ZDHHC14: variants seen among roughly 807,000 people sequenced by gnomAD.
ZDHHC14 encodes the protein palmitoyltransferase ZDHHC14.
In ZDHHC14, 16 loss-of-function variants were observed where a neutral mutation model predicts 47.7. That is an observed-to-expected ratio of 0.34 (90% CI 0.23 to 0.51). The LOEUF (loss-of-function observed/expected upper bound fraction) is 0.51. Among genes scored for constraint, ZDHHC14 ranks in the 20% least tolerant of loss-of-function variants. The pLI, the probability that ZDHHC14 is intolerant of heterozygous loss-of-function variation, is 0.97. For missense variants in ZDHHC14, 515 were observed against 662.5 expected, an observed-to-expected ratio of 0.78 and a Z score of 2.44; for synonymous variants, 293 against 278.9, an observed-to-expected ratio of 1.05 and a Z score of -0.50.
At chr6:157,548,966 C>T (rs775937771) in intron 2 of ZDHHC14, among the ~76,000 whole-genome samples, 42 of 152,196 alleles carry the variant, frequency 2.8e-4, no homozygotes, top group African/African-American at 7.5e-4. Context: ...GATGTGGCCG[C>T]GGCATTTGCC....
chr6:157,414,967 G>T (rs1389493347), intron 1 of ZDHHC14, among the ~76,000 whole-genome samples: 1 of 151,016 alleles, frequency 6.6e-6, no homozygotes, highest in Admixed American at 6.6e-5. Context: ...TCATACCTTT[G>T]TTTGTCTCTA....
intron 3 of ZDHHC14, among the ~76,000 whole-genome samples, chr6:157,613,746 GTCA>G: frequency 6.6e-6 from 1 of 152,154 alleles, no homozygotes; most frequent in Non-Finnish European, 1.5e-5. Context: ...AACCTGATAG[GTCA>G]TCCATTCTTA....
intron 8 of ZDHHC14, among the ~76,000 whole-genome samples, chr6:157,670,123 C>T (rs192008507): frequency 7.9e-5 from 12 of 152,282 alleles, no homozygotes; most frequent in African/African-American, 2.9e-4. Context: ...TGCTCAGTAG[C>T]CCCCACCGGA....
At chr6:157,649,604 C>G (rs1450115482) in intron 7 of ZDHHC14, among the ~76,000 whole-genome samples, 2 of 152,228 alleles carry the variant, frequency 1.3e-5, no homozygotes, top group African/African-American at 4.8e-5. Context: ...GGCCCAGACC[C>G]CTGTGCTTGA....
intron 3 of ZDHHC14, among the ~76,000 whole-genome samples, chr6:157,618,568 C>A (rs577054821): frequency 6.6e-6 from 1 of 152,228 alleles, no homozygotes; most frequent in East Asian, 1.9e-4. Flanking sequence ...ATGATCCACC[C>A]ACCTCGGCCT....
At chr6:157,661,375 A>G (rs1667286072) in intron 8 of ZDHHC14, among the ~76,000 whole-genome samples, 1 of 152,206 alleles carries the variant, frequency 6.6e-6, no homozygotes, top group Admixed American at 6.5e-5. Context: ...ATACTAATCC[A>G]ATTTCATCTT....
chr6:157,450,759 C>T (rs1778784891), intron 1 of ZDHHC14, among the ~76,000 whole-genome samples: 1 of 152,150 alleles, frequency 6.6e-6, no homozygotes, highest in Admixed American at 6.6e-5. Flanking sequence ...TAGTCACTGG[C>T]TAAGGCAAGT....
chr6:157,487,384 G>A (rs1174907934), intron 1 of ZDHHC14, among the ~76,000 whole-genome samples: 1 of 152,178 alleles, frequency 6.6e-6, no homozygotes. Flanking sequence ...CACTGACCTG[G>A]TCTTCTGTCT....
chr6:157,491,465 G>A (rs970624520), intron 1 of ZDHHC14, among the ~76,000 whole-genome samples: 3 of 152,230 alleles, frequency 2.0e-5, no homozygotes, highest in East Asian at 1.9e-4. Flanking sequence ...GGCTAGGTTA[G>A]TGTTGCTGGA....
In ZDHHC14 at chr6:157,546,604, A is replaced by C. The variant is rs147648897; in HGVS notation, c.406+3859A>C. Among the ~76,000 whole-genome samples the C allele has an allele frequency of 2.3e-3, 351 of 152,248 alleles. 1 individual carries two copies. The highest frequency in any genetic ancestry group is 3.6e-3 in the Non-Finnish European group (242 of 68,008). On this transcript the variant is annotated intron_variant, in intron 2 of 8. Coordinates refer to ENST00000359775, the MANE Select transcript of ZDHHC14 (RefSeq NM_024630.3). ...GGGTGCAGCTAAAAAGACATCAAAG[A>C]ATAGCAGCAGGGGGCCAGGGAAGCT...
At chr6:157,661,377 T>C (rs547403782) in intron 8 of ZDHHC14, among the ~76,000 whole-genome samples, 12 of 152,344 alleles carry the variant, frequency 7.9e-5, no homozygotes, top group Admixed American at 3.9e-4. Context: ...ACTAATCCAA[T>C]TTCATCTTAC....
At chr6:157,522,163 C>G (rs773650706) in intron 1 of ZDHHC14, among the ~76,000 whole-genome samples, 1 of 152,098 alleles carries the variant, frequency 6.6e-6, no homozygotes, top group East Asian at 1.9e-4. Flanking sequence ...AATACCTACC[C>G]GTACAGTTGC....
chr6:157,386,408 C>T (rs553822001), intron 1 of ZDHHC14, among the ~76,000 whole-genome samples: 1 of 152,256 alleles, frequency 6.6e-6, no homozygotes, highest in African/African-American at 2.4e-5. Flanking sequence ...TCCAGGGAAC[C>T]TCTGTGAAGC....
chr6:157,665,593 AATACTTT>A (rs1778519050), intron 8 of ZDHHC14, among the ~76,000 whole-genome samples: 2 of 152,228 alleles, frequency 1.3e-5, no homozygotes, highest in African/African-American at 4.8e-5. Flanking sequence ...GGAAATATGC[AATACTTT>A]AGAAATTAGA....
chr6:157,447,702 G>A (rs753640196), intron 1 of ZDHHC14, among the ~76,000 whole-genome samples: 6 of 152,188 alleles, frequency 3.9e-5, no homozygotes, highest in African/African-American at 9.7e-5. Flanking sequence ...TGTTTGTGAA[G>A]GAAGGAGGAT....
chr6:157,629,085 A>G (rs564538410), intron 4 of ZDHHC14, among the ~76,000 whole-genome samples: 2 of 152,370 alleles, frequency 1.3e-5, no homozygotes, highest in African/African-American at 4.8e-5. Flanking sequence ...ATATATATAA[A>G]GGAAGCAACT....
chr6:157,643,195 G>A (rs1417150939), intron 5 of ZDHHC14, among the ~76,000 whole-genome samples: 1 of 152,200 alleles, frequency 6.6e-6, no homozygotes, highest in African/African-American at 2.4e-5. Context: ...GATGCTGACG[G>A]TTCCTTGAGA....
chr6:157,557,934 G>A (rs959729751), intron 2 of ZDHHC14, among the ~76,000 whole-genome samples: 5 of 152,294 alleles, frequency 3.3e-5, no homozygotes, highest in Non-Finnish European at 7.3e-5. Flanking sequence ...CCAAGCCAGC[G>A]CTGTCCAGTA....
Position 157,382,261 on chromosome 6 carries a change from C to T in ZDHHC14, c.240C>T (p.Ala80=). 1 of 1,610,642 alleles carries T rather than the reference C, an allele frequency of 6.2e-7. No individual in the cohort carries two copies. The highest frequency in any genetic ancestry group is 8.5e-7 in the Non-Finnish European group (1 of 1,178,506). Reference sequence around the variant, plus strand: ...TGGTCACTAGCGGACTCTTCTTCGCCTTCGAGTAAGTGGTGGCGACCGCTC... The same window carrying T: ...TGGTCACTAGCGGACTCTTCTTCGCTTTCGAGTAAGTGGTGGCGACCGCTC... ...LILVTSGLFF[A]FDCPYLAVKI... The change falls in exon 1 of 9, where the codon GCC becomes GCT. Residue 80 remains alanine (A), a synonymous_variant. Transcript: ENST00000359775.
Sources: gnomAD v4.1 joint callset for allele counts (sites outside exome capture counted in the v4.1 genomes callset) on GRCh38, gnomAD v4.1.1 for gene constraint, MANE v1.5 for transcripts, NCBI Gene and HGNC (gene_info 2026-07-23, HGNC 2026-07-21) for gene names.